The following CDH13 variants were observed in gnomAD, a reference collection of about 807,000 sequenced individuals.
CDH13 encodes the protein cadherin 13.
In CDH13, 24 loss-of-function variants were observed where a neutral mutation model predicts 63.8. The ratio of observed to expected loss-of-function variants is 0.38; its 90% CI spans 0.27 to 0.53. CDH13 has a LOEUF of 0.53. Among genes scored for constraint, CDH13 ranks in the 20% least tolerant of loss-of-function variants. CDH13 has a pLI of 0.85. For synonymous variants in CDH13, 503 were observed against 355.3 expected, an observed-to-expected ratio of 1.42 and a Z score of -4.67; for missense variants, 1,049 against 903.1, an observed-to-expected ratio of 1.16 and a Z score of -2.07.
At chr16:83,280,953 C>T (rs1321275196) in intron 5 of CDH13, among the ~76,000 whole-genome samples, 4 of 152,226 alleles carry the variant, frequency 2.6e-5, no homozygotes, top group African/African-American at 9.6e-5. Context: ...GATGTGCTGT[C>T]ATCCAGATTT....
chr16:82,662,842 C>T (rs1912122931), intron 1 of CDH13, among the ~76,000 whole-genome samples: 1 of 152,002 alleles, frequency 6.6e-6, no homozygotes. Context: ...TCCTCCAGGC[C>T]AGTGTGAGGT....
At chr16:83,584,942 G>A (rs908207207) in intron 7 of CDH13, among the ~76,000 whole-genome samples, 1 of 152,074 alleles carries the variant, frequency 6.6e-6, no homozygotes, top group Non-Finnish European at 1.5e-5. Flanking sequence ...CAGGTCTTAG[G>A]AGAACTCACT....
chr16:83,716,441 A>G (rs189964064), intron 10 of CDH13, among the ~76,000 whole-genome samples: 2 of 152,194 alleles, frequency 1.3e-5, no homozygotes, highest in East Asian at 3.9e-4. Context: ...CCTTCCCGCC[A>G]ACCCTTGCCA....
At chr16:82,991,496 G>C (rs1911651827) in intron 2 of CDH13, among the ~76,000 whole-genome samples, 1 of 152,040 alleles carries the variant, frequency 6.6e-6, no homozygotes, top group African/African-American at 2.4e-5. Flanking sequence ...TGTTCAGTCT[G>C]GCTTTTCATC....
At chr16:83,451,563 A>G (rs2072887870) in intron 6 of CDH13, among the ~76,000 whole-genome samples, 1 of 152,154 alleles carries the variant, frequency 6.6e-6, no homozygotes, top group Non-Finnish European at 1.5e-5. Flanking sequence ...GCTGTCATCC[A>G]GGCTGGAGTA....
chr16:82,918,944 C>G (rs1480140954), intron 2 of CDH13, among the ~76,000 whole-genome samples: 1 of 152,074 alleles, frequency 6.6e-6, no homozygotes, highest in Non-Finnish European at 1.5e-5. Flanking sequence ...TTTTTATCAA[C>G]CAAATTTTTA....
intron 2 of CDH13, among the ~76,000 whole-genome samples, chr16:83,016,851 T>C (rs1199025866): frequency 6.6e-6 from 1 of 152,220 alleles, no homozygotes; most frequent in Non-Finnish European, 1.5e-5. Context: ...ACATACTGGC[T>C]ACACGTCATT....
chr16:83,002,054 T>A (rs1214928719), intron 2 of CDH13, among the ~76,000 whole-genome samples: 2 of 152,246 alleles, frequency 1.3e-5, no homozygotes, highest in East Asian at 3.9e-4. Flanking sequence ...CGTGCCATAC[T>A]GTCTTCTAGG....
intron 6 of CDH13, among the ~76,000 whole-genome samples, chr16:83,388,347 G>T (rs146100790): frequency 7.9e-4 from 120 of 152,066 alleles, no homozygotes; most frequent in African/African-American, 2.5e-3. Context: ...CAACTACTTG[G>T]GAGGCTGAGG....
chr16:83,490,048 C>CAG (rs35392703), intron 7 of CDH13, among the ~76,000 whole-genome samples: 5,541 of 150,226 alleles, frequency 0.037, 264 homozygotes, highest in African/African-American at 0.1. Flanking sequence ...CACACACACA[C>CAG]AGCTCACCAG....
intron 2 of CDH13, among the ~76,000 whole-genome samples, chr16:82,972,632 G>A (rs1908928855): frequency 6.6e-6 from 1 of 152,170 alleles, no homozygotes. Context: ...GAATTGCCAA[G>A]GATAGTGCCT....
chr16:82,848,488 C>T (rs1479453792), intron 1 of CDH13, among the ~76,000 whole-genome samples: 1 of 151,968 alleles, frequency 6.6e-6, no homozygotes, highest in South Asian at 2.1e-4. Context: ...GATAATTCTC[C>T]CGGTTTCTTT....
At chr16:82,778,103 C>A (rs1409321328) in intron 1 of CDH13, among the ~76,000 whole-genome samples, 1 of 152,154 alleles carries the variant, frequency 6.6e-6, no homozygotes, top group Non-Finnish European at 1.5e-5. Flanking sequence ...TATGAGGAGG[C>A]AGGGTTCACT....
At position 83,750,358 on chromosome 16, in the gene CDH13, A is replaced by G. The variant is rs145182674; in HGVS notation, c.1681+2108A>G. ...TTATGTTTGCAAATCAAGCAAGGTT[A>G]AGGTGACTTATGACACCTAACTGGC... On this transcript the variant is annotated intron_variant, in intron 11 of 13. Coordinates refer to ENST00000567109, the MANE Select transcript of CDH13 (RefSeq NM_001257.5). 1.6e-4 allele frequency among the ~76,000 whole-genome samples: 24 copies of G among 152,340 alleles called. No homozygotes were observed. The East Asian group carries it at 4.4e-3, about 28-fold the overall frequency.
intron 6 of CDH13, among the ~76,000 whole-genome samples, chr16:83,357,582 C>G (rs186405113): frequency 5.5e-4 from 83 of 150,556 alleles, no homozygotes; most frequent in African/African-American, 1.8e-3. Flanking sequence ...TGATTTTGTT[C>G]CCAGGAGACA....
rs371803447 is a variant in CDH13, at chr16:83,649,144, G to A, written c.1102-21646G>A. 3.0e-4 allele frequency among the ~76,000 whole-genome samples: 46 copies of A among 152,364 alleles called. 1 individual carries two copies. The East Asian group carries it at 8.5e-3, about 28-fold the overall frequency. On this transcript the variant is annotated intron_variant, in intron 8 of 13. Coordinates refer to ENST00000567109, the MANE Select transcript of CDH13 (RefSeq NM_001257.5). ...CCCCATTCCCCTCAGGTGTGGCAGT[G>A]AGGTTAAAGTGGCCACAGGCTGCTG...
intron 7 of CDH13, among the ~76,000 whole-genome samples, chr16:83,583,215 C>G (rs1218920854): frequency 6.6e-6 from 1 of 152,140 alleles, no homozygotes; most frequent in South Asian, 2.1e-4. Flanking sequence ...TAGGGCACAC[C>G]CAGCTAATCC....
chr16:83,723,577 G>A (rs535857760), intron 10 of CDH13, among the ~76,000 whole-genome samples: 13 of 152,206 alleles, frequency 8.5e-5, no homozygotes, highest in African/African-American at 2.6e-4. Context: ...GATCACCTTC[G>A]CTAAAGAAGC....
At chr16:83,537,338 A>G (rs1237685507) in intron 7 of CDH13, among the ~76,000 whole-genome samples, 4 of 152,232 alleles carry the variant, frequency 2.6e-5, no homozygotes, top group African/African-American at 9.6e-5. Flanking sequence ...ATTTCTTTCC[A>G]TGGCAATCCC....
Sources: allele counts gnomAD v4.1 joint callset (sites outside exome capture counted in the v4.1 genomes callset), GRCh38; gene constraint gnomAD v4.1.1; transcripts MANE v1.5; gene names NCBI Gene and HGNC (gene_info 2026-07-23, HGNC 2026-07-21).